Variants in FAM222A observed in about 807,000 individuals in gnomAD.
FAM222A encodes protein FAM222A.
Under a neutral mutation model 25.8 loss-of-function variants are expected in FAM222A, and 7 were observed. That is an observed-to-expected ratio of 0.27 (90% CI 0.15 to 0.51). FAM222A has a LOEUF of 0.51. FAM222A is among the 20% of genes least tolerant of loss of function. The probability of loss-of-function intolerance (pLI) is 0.97; values close to 1 mark genes in which losing one functional copy is unlikely to be tolerated. For missense variants in FAM222A, 573 were observed against 640.5 expected (o/e 0.89, Z 1.14); for synonymous variants, 294 against 298.8 (o/e 0.98, Z 0.17).
At chr12:109,758,480 T>C (rs972672815) in intron 2 of FAM222A, among the ~76,000 whole-genome samples, 2 of 152,286 alleles carry the variant, frequency 1.3e-5, no homozygotes, top group African/African-American at 2.4e-5. Flanking sequence ...GATTCACACC[T>C]GTGGCTGACC....
chr12:109,768,905 G>A lies in FAM222A; in HGVS notation c.976G>A (p.Gly326Arg), dbSNP rs768848391. ...GGGCCGGGCATACGAGCGGGCCAGC[G>A]GGTCACCCCTCAACTGTGGCGTGGG... ...CGGRAYERAS[G>R]SPLNCGVGLP... Residue 326 changes from glycine to arginine, a missense_variant, in exon 3 of 3, where the codon GGG becomes AGG. Physicochemically the swap from Gly to Arg is moderately radical, Grantham distance 125. Around this residue, in one of 3 missense-constraint regions of FAM222A, gnomAD observed 412 missense variants for 407.0 expected, o/e 1.01. Transcript: ENST00000538780. 85 of 1,582,156 alleles carry A rather than the reference G, an allele frequency of 5.4e-5. No individual in the cohort carries two copies. Among genetic ancestry groups the A allele is most frequent in the Admixed American group, 1.2e-4 (7 of 57,556 alleles).
intron 1 of FAM222A, among the ~76,000 whole-genome samples, chr12:109,742,427 C>T (rs1224976116): frequency 2.6e-5 from 4 of 152,380 alleles, no homozygotes; most frequent in East Asian, 1.9e-4. Context: ...CCACTTCATT[C>T]CCTTTTTAAA....
chr12:109,752,168 C>T (rs528785442), intron 2 of FAM222A, among the ~76,000 whole-genome samples: 1 of 152,316 alleles, frequency 6.6e-6, no homozygotes, highest in South Asian at 2.1e-4. Context: ...GGGGCTGGGC[C>T]TGATGACCTG....
intron 2 of FAM222A, among the ~76,000 whole-genome samples, chr12:109,761,516 C>G (rs1254851014): frequency 6.6e-6 from 1 of 152,228 alleles, no homozygotes; most frequent in Non-Finnish European, 1.5e-5. Context: ...CCCAGGCAGG[C>G]TGCTGTCAGC....
In FAM222A at chr12:109,768,772, C is replaced by T. The variant is rs764600932; in HGVS notation, c.843C>T (p.Ser281=). The change falls in exon 3 of 3, where the codon AGC becomes AGT. Residue 281 remains serine, a synonymous_variant. Coordinates refer to ENST00000538780, the MANE Select transcript of FAM222A (RefSeq NM_032829.3). ...CCAAGCCTGCAGGGTACGCAGACAG[C>T]GGCCTGGATTACCTGCTGTGGCCGC... ...GAAKPAGYAD[S]GLDYLLWPQK... 7.6e-6 allele frequency: 12 copies of T among 1,579,758 alleles called. No individual in the cohort carries two copies. The highest frequency in any genetic ancestry group is 3.5e-5 in the Admixed American group (2 of 56,922).
chr12:109,731,547 C>T (rs550810329), intron 1 of FAM222A, among the ~76,000 whole-genome samples: 16 of 152,316 alleles, frequency 1.1e-4, no homozygotes, highest in South Asian at 4.1e-4. Context: ...GCATGGCACC[C>T]GGCACACAGT....
intron 2 of FAM222A, among the ~76,000 whole-genome samples, chr12:109,759,677 G>A (rs1888834322): frequency 1.3e-5 from 2 of 152,346 alleles, no homozygotes; most frequent in East Asian, 3.9e-4. Flanking sequence ...GCAGGCAGAG[G>A]CAGAGTGGGG....
chr12:109,744,698 T>C (rs1888345508), intron 2 of FAM222A: 2 of 985,350 alleles, frequency 2.0e-6, no homozygotes, highest in African/African-American at 3.5e-5. Context: ...ACCAGGGGTC[T>C]GTTCTCACTA....
At chr12:109,743,357 G>T (rs982490813) in intron 1 of FAM222A, among the ~76,000 whole-genome samples, 9 of 152,230 alleles carry the variant, frequency 5.9e-5, no homozygotes, top group African/African-American at 1.7e-4. Context: ...GGCTCTGGCC[G>T]TTGGGGAAGG....
rs574715029 is a variant in FAM222A, at chr12:109,743,963, G to A, written c.-46-138G>A. On this transcript the variant is annotated intron_variant, in intron 1 of 2. Coordinates refer to ENST00000538780, the MANE Select transcript of FAM222A (RefSeq NM_032829.3). Reference sequence around the variant, plus strand: ...GCCTCAGGCCTTGGTCCCCTCATTGGTCGAATAAGGGAAATGGGTGTCTGC... The same window carrying A: ...GCCTCAGGCCTTGGTCCCCTCATTGATCGAATAAGGGAAATGGGTGTCTGC... 3 of 1,407,960 alleles carry A rather than the reference G, an allele frequency of 2.1e-6. No individual in the cohort carries two copies. In the East Asian group the frequency reaches 7.7e-5, roughly 36 times the overall value. The allele number at this position is 1,407,960 out of a possible 1,614,324, so 87.2% of individuals were successfully genotyped here.
chr12:109,736,996 T>TA (rs1012570772), intron 1 of FAM222A, among the ~76,000 whole-genome samples: 6 of 152,126 alleles, frequency 3.9e-5, no homozygotes, highest in Non-Finnish European at 7.4e-5. Flanking sequence ...GGCACTGCTG[T>TA]AGCACCGTGA....
intron 2 of FAM222A, among the ~76,000 whole-genome samples, chr12:109,751,880 G>T (rs1212364120): frequency 6.6e-6 from 1 of 152,126 alleles, no homozygotes; most frequent in Non-Finnish European, 1.5e-5. Context: ...TTGGAAGCCT[G>T]TTCTTTTTTG....
intron 2 of FAM222A, among the ~76,000 whole-genome samples, chr12:109,759,621 C>A (rs1006091075): frequency 6.6e-6 from 1 of 152,218 alleles, no homozygotes; most frequent in African/African-American, 2.4e-5. Flanking sequence ...ACTTCCAGCC[C>A]AGCCAGCCTT....
chr12:109,727,298 G>C (rs1207586595), intron 1 of FAM222A, among the ~76,000 whole-genome samples: 3 of 152,122 alleles, frequency 2.0e-5, no homozygotes, highest in Admixed American at 6.5e-5. Flanking sequence ...CGGGAATAGA[G>C]GCCCTTTTGT....
At chr12:109,754,824 T>A (rs1461622306) in intron 2 of FAM222A, among the ~76,000 whole-genome samples, 1 of 152,026 alleles carries the variant, frequency 6.6e-6, no homozygotes, top group East Asian at 1.9e-4. Context: ...CATGCCACCA[T>A]GCTCAGATAA....
intron 1 of FAM222A, among the ~76,000 whole-genome samples, chr12:109,740,362 T>C (rs576704151): frequency 1.4e-3 from 207 of 152,182 alleles, no homozygotes; most frequent in African/African-American, 4.9e-3. Flanking sequence ...ATGCGACGTT[T>C]TTCCCCTCCC....
chr12:109,756,335 A>G (rs904273905), intron 2 of FAM222A, among the ~76,000 whole-genome samples: 6 of 149,706 alleles, frequency 4.0e-5, no homozygotes, highest in African/African-American at 9.8e-5. Flanking sequence ...GATATCCTGT[A>G]TACAAGATAA....
chr12:109,717,921 G>C (rs138982300), intron 1 of FAM222A, among the ~76,000 whole-genome samples: 1 of 152,336 alleles, frequency 6.6e-6, no homozygotes, highest in Non-Finnish European at 1.5e-5. Flanking sequence ...AGGCGCCCTG[G>C]TGATGGGCAG....
chr12:109,727,219 C>T (rs1887860043), intron 1 of FAM222A, among the ~76,000 whole-genome samples: 1 of 152,210 alleles, frequency 6.6e-6, no homozygotes, highest in African/African-American at 2.4e-5. Flanking sequence ...GAGCTTGAGC[C>T]GGGCCGGGCG....
Sources: gnomAD v4.1 joint callset for allele counts (sites outside exome capture counted in the v4.1 genomes callset) on GRCh38, gnomAD v4.1.1 for gene constraint, gnomAD v4.1.1 regional missense constraint, MANE v1.5 for transcripts, NCBI Gene and HGNC (gene_info 2026-07-23, HGNC 2026-07-21) for gene names.